Variants in MRPS6 observed in about 807,000 individuals in gnomAD.
The protein encoded by MRPS6 is small ribosomal subunit protein bS6m.
MRPS6 carries 6 observed loss-of-function variants against 13.1 expected under a neutral mutation model. That is an observed-to-expected ratio of 0.46 (90% CI 0.25 to 0.91). The LOEUF is 0.91. MRPS6 is among the 40% of genes least tolerant of loss of function. The probability of loss-of-function intolerance (pLI) is 0.18; values close to 1 mark genes in which losing one functional copy is unlikely to be tolerated. For synonymous variants in MRPS6, 61 were observed against 56.5 expected, an observed-to-expected ratio of 1.08 and a Z score of -0.36; for missense variants, 164 against 155.6, an observed-to-expected ratio of 1.05 and a Z score of -0.29.
chr21:34,120,033 T>C (rs1208296263), intron 1 of MRPS6, among the ~76,000 whole-genome samples: 3 of 152,180 alleles, frequency 2.0e-5, no homozygotes, highest in South Asian at 2.1e-4. Flanking sequence ...TTTTAGAAGA[T>C]CATTGTGAAA....
Position 34,105,728 on chromosome 21 carries a change from C to T in MRPS6, c.46-19613C>T, listed in dbSNP as rs1979446999. 15 of 997,688 alleles carry T rather than the reference C, an allele frequency of 1.5e-5. No individual in the cohort carries two copies. In the South Asian group the frequency reaches 6.1e-4, roughly 41 times the overall value. The allele number at this position is 997,688 out of a possible 1,614,324, so 61.8% of individuals were successfully genotyped here. A position where few individuals can be genotyped will look rare whatever the true frequency, so the allele number is the denominator to read the frequency against. On this transcript the variant is annotated intron_variant, in intron 1 of 2. Coordinates refer to ENST00000399312, the MANE Select transcript of MRPS6 (RefSeq NM_032476.4). The stretch of plus-strand genomic sequence containing the variant: ...AATTGTAAATGGATTTCCAGTTTAC[C>T]TTCTGTTGTCTACAGCTTTTTTAAT...
chr21:34,133,818 CAGAG>C (rs1438477485), intron 2 of MRPS6, among the ~76,000 whole-genome samples: 1 of 152,172 alleles, frequency 6.6e-6, no homozygotes, highest in Non-Finnish European at 1.5e-5. Flanking sequence ...GGCGGGAGCT[CAGAG>C]AAAAACTACC....
chr21:34,124,274 T>C (rs1047039765), intron 1 of MRPS6: 2 of 152,222 alleles, frequency 1.3e-5, no homozygotes, highest in East Asian at 1.9e-4. Context: ...ACAGTTGCAC[T>C]CTCTCAGCCA....
chr21:34,099,238 A>G, intron 1 of MRPS6: 2 of 1,000,168 alleles, frequency 2.0e-6, no homozygotes, highest in Non-Finnish European at 2.4e-6. Flanking sequence ...TGGGGGCCAA[A>G]TAGATAGAGC....
At chr21:34,112,470 C>G (rs1282696194) in intron 1 of MRPS6, among the ~76,000 whole-genome samples, 1 of 152,130 alleles carries the variant, frequency 6.6e-6, no homozygotes, top group Non-Finnish European at 1.5e-5. Context: ...TACAATTCAC[C>G]CATTTGAAGT....
intron 1 of MRPS6, chr21:34,105,041 C>CTT (rs146361117): frequency 1.0e-6 from 1 of 1,000,046 alleles, no homozygotes; most frequent in South Asian, 4.7e-5. Context: ...CAGATCAAGT[C>CTT]TTTTGCTCAT....
chr21:34,080,642 C>T (rs539312949), intron 1 of MRPS6, among the ~76,000 whole-genome samples: 6 of 152,318 alleles, frequency 3.9e-5, no homozygotes, highest in Non-Finnish European at 8.8e-5. Flanking sequence ...CTCATCACGT[C>T]TCCCATCACA....
chr21:34,076,009 G>GT (rs1381009004), intron 1 of MRPS6, among the ~76,000 whole-genome samples: 3 of 152,270 alleles, frequency 2.0e-5, no homozygotes, highest in Admixed American at 6.5e-5. Context: ...TCAAAGTTGC[G>GT]TATCTTCCAC....
At chr21:34,133,455 C>T (rs1264960386) in intron 2 of MRPS6, among the ~76,000 whole-genome samples, 1 of 152,218 alleles carries the variant, frequency 6.6e-6, no homozygotes, top group Non-Finnish European at 1.5e-5. Context: ...AGCTCACAAG[C>T]TTCTAACCCT....
intron 1 of MRPS6, among the ~76,000 whole-genome samples, chr21:34,081,856 A>G (rs1243055672): frequency 6.6e-6 from 1 of 152,162 alleles, no homozygotes. Flanking sequence ...ATTATATCTA[A>G]GTTTATTTCA....
intron 1 of MRPS6, among the ~76,000 whole-genome samples, chr21:34,078,696 A>G (rs1989390304): frequency 6.6e-6 from 1 of 152,242 alleles, no homozygotes; most frequent in African/African-American, 2.4e-5. Flanking sequence ...GTACTACTAC[A>G]TGTTTAACTC....
At chr21:34,111,467 A>G (rs1347413502) in intron 1 of MRPS6, among the ~76,000 whole-genome samples, 3 of 152,166 alleles carry the variant, frequency 2.0e-5, no homozygotes, top group Admixed American at 1.3e-4. Context: ...CCCCACTTCT[A>G]TTTGAAGAGA....
intron 1 of MRPS6, among the ~76,000 whole-genome samples, chr21:34,088,615 C>A (rs558240287): frequency 2.0e-5 from 3 of 152,268 alleles, no homozygotes; most frequent in African/African-American, 7.2e-5. Flanking sequence ...CAGTAATGTC[C>A]TTTTCACTGA....
At chr21:34,076,465 A>G (rs757758251) in intron 1 of MRPS6, among the ~76,000 whole-genome samples, 2 of 152,222 alleles carry the variant, frequency 1.3e-5, no homozygotes, top group South Asian at 2.1e-4. Flanking sequence ...CAGTTGTACA[A>G]TTAGTCACCC....
chr21:34,105,826 T>C lies in MRPS6; in HGVS notation c.46-19515T>C, dbSNP rs73363331. ...TGCAAGCAGAAAGTAGAATTTGGTA[T>C]AAAGCAGGTTATTTCTATATTGAAA... On this transcript the variant is annotated intron_variant, in intron 1 of 2. Transcript: ENST00000399312. The C allele has an allele frequency of 1.1e-3, 1,076 of 995,454 alleles. 9 individuals are homozygous for C. The African/African-American group carries it at 0.016, about 15-fold the overall frequency. 61.7% of individuals were successfully genotyped at this position (995,454 alleles called of 1,614,324 possible).
intron 2 of MRPS6, among the ~76,000 whole-genome samples, chr21:34,132,576 A>G (rs1385330820): frequency 6.6e-6 from 1 of 152,120 alleles, no homozygotes; most frequent in Non-Finnish European, 1.5e-5. Flanking sequence ...CAGGTCTTTA[A>G]CTAGGTTTTC....
At chr21:34,106,494 A>AAATTAAAAT (rs1473241214) in intron 1 of MRPS6, among the ~76,000 whole-genome samples, 1 of 152,180 alleles carries the variant, frequency 6.6e-6, no homozygotes, top group African/African-American at 2.4e-5. Flanking sequence ...AAATATTCTT[A>AAATTAAAAT]ATTTTTTCAC....
At chr21:34,078,022 G>A (rs1369588976) in intron 1 of MRPS6, among the ~76,000 whole-genome samples, 1 of 152,144 alleles carries the variant, frequency 6.6e-6, no homozygotes, top group Non-Finnish European at 1.5e-5. Flanking sequence ...TATGAGTCAG[G>A]TCAACCCTAG....
At chr21:34,097,478 A>G (rs2148659961) in intron 1 of MRPS6, 1 of 1,449,710 alleles carries the variant, frequency 6.9e-7, no homozygotes, top group Non-Finnish European at 9.1e-7. Flanking sequence ...AATTTTACTT[A>G]GCAGAAAATC....
Sources: gnomAD v4.1 joint callset for allele counts (sites outside exome capture counted in the v4.1 genomes callset) on GRCh38, gnomAD v4.1.1 for gene constraint, MANE v1.5 for transcripts, NCBI Gene and HGNC (gene_info 2026-07-23, HGNC 2026-07-21) for gene names.